The following CLCN5 variants were observed in gnomAD, a reference collection of about 807,000 sequenced individuals.
CLCN5 encodes H(+)/Cl(-) exchange transporter 5.
Under a neutral mutation model 54.0 loss-of-function variants are expected in CLCN5, and 17 were observed. That is an observed-to-expected ratio of 0.31 (90% CI 0.22 to 0.47). The LOEUF (loss-of-function observed/expected upper bound fraction) is 0.47, where lower values mean the gene tolerates loss of function less well. CLCN5 is among the 20% of genes least tolerant of loss of function. CLCN5 has a pLI of 1.00. For missense variants in CLCN5, 448 were observed against 646.7 expected, an observed-to-expected ratio of 0.69 and a Z score of 3.33; for synonymous variants, 222 against 233.0, an observed-to-expected ratio of 0.95 and a Z score of 0.43.
Position 50,042,403 on chromosome X carries a change from C to G in CLCN5, c.104C>G (p.Ala35Gly), listed in dbSNP as rs1557187288. 2 of 1,156,594 alleles carry G rather than the reference C, an allele frequency of 1.7e-6. No individual in the cohort carries two copies. Among genetic ancestry groups the G allele is most frequent in the Admixed American group, 5.1e-5 (2 of 39,240 alleles). Residue 35 changes from alanine to glycine, a missense_variant, in exon 4 of 15, where the codon GCA (alanine) becomes GGA (glycine). Around this residue, in one of 5 missense-constraint regions of CLCN5, gnomAD observed 69 missense variants for 60.9 expected, o/e 1.13. Transcript: ENST00000376091. The stretch of plus-strand genomic sequence containing the variant: ...GATGAAGACCTGATGGACATTCCAG[C>G]AACCGCTATGGATTTCTCCATGAGA... ...SSDEDLMDIP[A>G]TAMDFSMRDD...
chrX:50,064,255 A>G (rs1187151404), intron 4 of CLCN5, among the ~76,000 whole-genome samples: 2 of 110,690 alleles, frequency 1.8e-5, no homozygotes, highest in Non-Finnish European at 3.8e-5. Flanking sequence ...GTATATCTAT[A>G]AAACCCCGTC....
At chrX:50,067,578 G>A (rs781805006) in intron 4 of CLCN5, 599 of 751,643 alleles carry the variant, frequency 8.0e-4, no homozygotes, top group Middle Eastern at 6.8e-3. Context: ...GACCGCCAGG[G>A]AACACTGGTA....
intron 3 of CLCN5, among the ~76,000 whole-genome samples, chrX:50,013,737 G>A (rs1557183045): frequency 8.9e-6 from 1 of 112,263 alleles, no homozygotes; most frequent in Non-Finnish European, 1.9e-5. Flanking sequence ...TCCTAGCCTT[G>A]CAGCCTAGGC....
intron 3 of CLCN5, among the ~76,000 whole-genome samples, chrX:50,010,359 G>C (rs1557182345): frequency 1.8e-5 from 2 of 110,260 alleles, no homozygotes; most frequent in African/African-American, 6.6e-5. Flanking sequence ...TCCCACCTCA[G>C]CCTCTCAAAT....
intron 7 of CLCN5, among the ~76,000 whole-genome samples, chrX:50,078,537 T>C (rs781840185): frequency 8.9e-6 from 1 of 112,500 alleles, no homozygotes; most frequent in Admixed American, 9.4e-5. Flanking sequence ...CATTGATTTA[T>C]GTATGTATTT....
At chrX:50,057,896 G>T (rs1288727629) in intron 4 of CLCN5, among the ~76,000 whole-genome samples, 2 of 110,796 alleles carry the variant, frequency 1.8e-5, no homozygotes, top group African/African-American at 3.3e-5. Flanking sequence ...AAGAGTTTAT[G>T]TGACTTATTG....
At chrX:50,073,208 C>G (rs144354369) in intron 6 of CLCN5, among the ~76,000 whole-genome samples, 190 of 111,597 alleles carry the variant, frequency 1.7e-3, no homozygotes, top group African/African-American at 6.0e-3. Flanking sequence ...AGGTTTCTCA[C>G]CCGGTGGGGA....
intron 3 of CLCN5, among the ~76,000 whole-genome samples, chrX:49,949,533 C>T (rs1395873428): frequency 6.3e-5 from 7 of 111,562 alleles, no homozygotes; most frequent in Non-Finnish European, 7.5e-5. Flanking sequence ...ATTTTCTTTT[C>T]TAGGTGTTCT....
intron 4 of CLCN5, among the ~76,000 whole-genome samples, chrX:50,044,014 G>A (rs1240294534): frequency 9.0e-6 from 1 of 111,627 alleles, no homozygotes; most frequent in Non-Finnish European, 1.9e-5. Flanking sequence ...GAATTAGCAA[G>A]GCTTGAAGAT....
chrX:50,088,600 G>A (rs1933976540), intron 11 of CLCN5, 98 bp from the exon 12 acceptor site: 12 of 781,660 alleles, frequency 1.5e-5, no homozygotes, highest in Non-Finnish European at 1.6e-5. Flanking sequence ...AATTGTCATC[G>A]GCCTGTTTGC....
At chrX:50,039,538 G>A (rs1452315730) in intron 3 of CLCN5, among the ~76,000 whole-genome samples, 1 of 111,290 alleles carries the variant, frequency 9.0e-6, no homozygotes, top group Non-Finnish European at 1.9e-5. Context: ...GTGTTGCAAT[G>A]TTCACTGTAA....
At chrX:50,088,428 C>G in intron 11 of CLCN5, 1 of 360,632 alleles carries the variant, frequency 2.8e-6, no homozygotes, top group East Asian at 4.6e-5. Context: ...ATTTCTGCCT[C>G]CAGTTCTGTG....
chrX:49,999,522 C>T (rs782019654), intron 3 of CLCN5, among the ~76,000 whole-genome samples: 17 of 109,815 alleles, frequency 1.5e-4, no homozygotes, highest in African/African-American at 5.3e-4. Context: ...CACATGTACA[C>T]CACGAGGGAG....
intron 3 of CLCN5, among the ~76,000 whole-genome samples, chrX:49,927,853 A>G (rs1925429420): frequency 8.9e-6 from 1 of 112,618 alleles, no homozygotes; most frequent in African/African-American, 3.2e-5. Flanking sequence ...TGTCATTTGC[A>G]GCAACATGGA....
At chrX:49,987,561 A>C (rs1453630568) in intron 3 of CLCN5, among the ~76,000 whole-genome samples, 1 of 112,283 alleles carries the variant, frequency 8.9e-6, no homozygotes, top group Non-Finnish European at 1.9e-5. Flanking sequence ...GCAAGGGGGA[A>C]AAACCATATT....
chrX:50,088,898 G>A lies in CLCN5; in HGVS notation c.1744+14G>A. ...CAGCCTGCTTAGGTGAGTAGTGTTTGCATTAATTTCAAGTTGCTACCCAGG... is the reference window on the plus strand; with the variant it reads ...CAGCCTGCTTAGGTGAGTAGTGTTTACATTAATTTCAAGTTGCTACCCAGG... On this transcript the variant is annotated intron_variant, in intron 12 of 14. Coordinates refer to ENST00000376091, the MANE Select transcript of CLCN5 (RefSeq NM_001127898.4). 3 of 1,201,106 alleles carry A rather than the reference G, an allele frequency of 2.5e-6. No homozygotes were observed. Among genetic ancestry groups the A allele is most frequent in the South Asian group, 3.5e-5 (2 of 56,712 alleles).
chrX:49,986,745 G>A (rs1486131397), intron 3 of CLCN5, among the ~76,000 whole-genome samples: 9 of 111,837 alleles, frequency 8.0e-5, no homozygotes, highest in African/African-American at 2.3e-4. Flanking sequence ...CTTTCCACTA[G>A]TAGATTATTT....
At chrX:50,056,157 A>AT (rs1423746278) in intron 4 of CLCN5, among the ~76,000 whole-genome samples, 10 of 110,057 alleles carry the variant, frequency 9.1e-5, no homozygotes, top group Non-Finnish European at 1.9e-4. Flanking sequence ...CTGTCTTGAA[A>AT]TTTTCCCCCC....
chrX:50,035,572 A>G (rs1557186429), intron 3 of CLCN5, among the ~76,000 whole-genome samples: 1 of 94,118 alleles, frequency 1.1e-5, no homozygotes, highest in African/African-American at 4.0e-5. Context: ...GGCCCTAGGT[A>G]TGTTGAATGG....
Sources: gnomAD v4.1 joint callset for allele counts (sites outside exome capture counted in the v4.1 genomes callset) on GRCh38, gnomAD v4.1.1 for gene constraint, gnomAD v4.1.1 regional missense constraint, MANE v1.5 for transcripts, NCBI Gene and HGNC (gene_info 2026-07-23, HGNC 2026-07-21) for gene names.